Variants in FER observed in about 807,000 individuals in gnomAD.
FER encodes tyrosine-protein kinase Fer.
In FER, 63 loss-of-function variants were observed where a neutral mutation model predicts 111.0. That is an observed-to-expected ratio of 0.57 (90% CI 0.46 to 0.70). The LOEUF (loss-of-function observed/expected upper bound fraction) is 0.70. FER is among the 30% of genes least tolerant of loss of function. The pLI is 0.00. For synonymous variants in FER, 327 were observed against 313.9 expected, an observed-to-expected ratio of 1.04 and a Z score of -0.44; for missense variants, 914 against 954.0, an observed-to-expected ratio of 0.96 and a Z score of 0.55.
chr5:109,102,007 T>C (rs752153904), intron 17 of FER, among the ~76,000 whole-genome samples: 4 of 152,160 alleles, frequency 2.6e-5, no homozygotes, highest in Non-Finnish European at 1.5e-5. Context: ...TCTTCTTTAA[T>C]TTCTGGGACA....
At chr5:108,850,322 G>T in intron 5 of FER, among the ~76,000 whole-genome samples, 1 of 148,596 alleles carries the variant, frequency 6.7e-6, no homozygotes. Flanking sequence ...TGTTTATTTT[G>T]TTTCATAAAT....
intron 2 of FER, among the ~76,000 whole-genome samples, chr5:108,773,134 T>C (rs1311838287): frequency 6.6e-6 from 1 of 152,190 alleles, no homozygotes; most frequent in Admixed American, 6.5e-5. Flanking sequence ...TGTAGCTTTT[T>C]TAGGAAGAGG....
At chr5:109,023,698 C>T (rs1487315796) in intron 13 of FER, among the ~76,000 whole-genome samples, 3 of 150,840 alleles carry the variant, frequency 2.0e-5, no homozygotes, top group African/African-American at 7.3e-5. Flanking sequence ...TTCACTTTTT[C>T]TTCTCTTCAT....
Position 109,129,715 on chromosome 5 carries a change from A to C in FER, c.2048+29196A>C, listed in dbSNP as rs563045362. ...CTGATATGCTCTAGGCAGATGTATA[A>C]ATTGGTACAAGGTTTTCGTATAGGA... On this transcript the variant is annotated intron_variant, in intron 17 of 19. Transcript: ENST00000281092. Among the ~76,000 whole-genome samples, 7 of 152,190 alleles carry C rather than the reference A, an allele frequency of 4.6e-5. No individual in the cohort carries two copies. In the South Asian group the frequency reaches 1.4e-3, roughly 31 times the overall value.
At chr5:108,878,985 GC>G (rs1399613260) in intron 8 of FER, among the ~76,000 whole-genome samples, 1 of 152,024 alleles carries the variant, frequency 6.6e-6, no homozygotes, top group African/African-American at 2.4e-5. Context: ...GTGGACAAGA[GC>G]TTTAACCTCT....
At chr5:108,805,494 A>T (rs568614823) in intron 3 of FER, among the ~76,000 whole-genome samples, 3 of 152,226 alleles carry the variant, frequency 2.0e-5, no homozygotes. Context: ...AGGTTGGAAC[A>T]GTTTGGAAGG....
intron 15 of FER, among the ~76,000 whole-genome samples, chr5:109,046,022 T>A (rs1275642018): frequency 6.6e-6 from 1 of 152,228 alleles, no homozygotes; most frequent in Non-Finnish European, 1.5e-5. Flanking sequence ...TTTTGTTGGT[T>A]ATTACTGTGT....
At chr5:109,004,201 G>A (rs901290188) in intron 13 of FER, among the ~76,000 whole-genome samples, 2 of 152,016 alleles carry the variant, frequency 1.3e-5, no homozygotes, top group Non-Finnish European at 2.9e-5. Context: ...AGATACATTG[G>A]CTACTTAAAC....
At chr5:109,064,652 G>A (rs1344630499) in intron 16 of FER, among the ~76,000 whole-genome samples, 1 of 152,098 alleles carries the variant, frequency 6.6e-6, no homozygotes, top group Non-Finnish European at 1.5e-5. Context: ...TCTGAGCTTC[G>A]ATGGCATTTA....
chr5:108,848,045 G>T (rs1411813544), intron 5 of FER, among the ~76,000 whole-genome samples: 1 of 151,890 alleles, frequency 6.6e-6, no homozygotes, highest in African/African-American at 2.4e-5. Context: ...GTGTTGCCAT[G>T]CCCAGCTAAC....
At chr5:108,903,438 G>A (rs905827918) in intron 10 of FER, among the ~76,000 whole-genome samples, 9 of 152,286 alleles carry the variant, frequency 5.9e-5, no homozygotes, top group East Asian at 1.9e-4. Flanking sequence ...GCTGAGGCCC[G>A]TGGATCACTT....
At chr5:109,007,458 C>A (rs1445981849) in intron 13 of FER, among the ~76,000 whole-genome samples, 1 of 151,750 alleles carries the variant, frequency 6.6e-6, no homozygotes, top group Non-Finnish European at 1.5e-5. Flanking sequence ...TATTCTATGC[C>A]CCTTTCTAGT....
intron 1 of FER, among the ~76,000 whole-genome samples, chr5:108,765,967 T>C (rs1310791316): frequency 6.6e-6 from 1 of 152,110 alleles, no homozygotes; most frequent in African/African-American, 2.4e-5. Flanking sequence ...TCTCACTTTA[T>C]TGCCTAGGCT....
At chr5:109,154,938 G>A (rs1007504581) in intron 17 of FER, among the ~76,000 whole-genome samples, 1 of 151,820 alleles carries the variant, frequency 6.6e-6, no homozygotes, top group Non-Finnish European at 1.5e-5. Context: ...TCTTTTATGA[G>A]TCCTATAACT....
chr5:109,066,966 A>T (rs940442776), intron 16 of FER, among the ~76,000 whole-genome samples: 5 of 152,156 alleles, frequency 3.3e-5, no homozygotes, highest in Non-Finnish European at 7.4e-5. Flanking sequence ...CATCATCTGG[A>T]GGTGACATTT....
intron 5 of FER, among the ~76,000 whole-genome samples, chr5:108,863,051 G>A (rs1419412607): frequency 1.3e-5 from 2 of 152,034 alleles, no homozygotes; most frequent in Non-Finnish European, 2.9e-5. Flanking sequence ...TGTGTGGGTG[G>A]GGACAAAAAG....
chr5:108,764,908 G>A (rs1237077124), intron 1 of FER, among the ~76,000 whole-genome samples: 1 of 152,158 alleles, frequency 6.6e-6, no homozygotes, highest in East Asian at 1.9e-4. Context: ...ATCACTTTTA[G>A]GGTCATGCAG....
rs573241114 is a variant in FER, at chr5:109,133,893, A to T, written c.2048+33374A>T. ...TATTTCAACTCCAAAATTTGTTCTTAAAGACTAGCATTTTAATCACAGATG... is the reference window on the plus strand; with the variant it reads ...TATTTCAACTCCAAAATTTGTTCTTTAAGACTAGCATTTTAATCACAGATG... On this transcript the variant is annotated intron_variant, in intron 17 of 19. Coordinates refer to ENST00000281092, the MANE Select transcript of FER (RefSeq NM_005246.4). Among the ~76,000 whole-genome samples, 6 of 152,252 alleles carry T rather than the reference A, an allele frequency of 3.9e-5. No individual in the cohort carries two copies. The South Asian group carries it at 1.2e-3, about 32-fold the overall frequency.
intron 13 of FER, among the ~76,000 whole-genome samples, chr5:108,963,378 C>T (rs1759387796): frequency 6.6e-6 from 1 of 151,870 alleles, no homozygotes; most frequent in Non-Finnish European, 1.5e-5. Flanking sequence ...GCCTGACTAA[C>T]AAGTGAAACC....
Sources: allele counts gnomAD v4.1 joint callset (sites outside exome capture counted in the v4.1 genomes callset), GRCh38; gene constraint gnomAD v4.1.1; transcripts MANE v1.5; gene names NCBI Gene and HGNC (gene_info 2026-07-23, HGNC 2026-07-21).